ERC2: variants seen among roughly 807,000 people sequenced by gnomAD.
The protein encoded by ERC2 is ELKS/RAB6-interacting/CAST family member 2, also known as ERC protein 2.
A neutral mutation model predicts 114.8 loss-of-function variants in ERC2; 42 were observed. The ratio of observed to expected loss-of-function variants is 0.37; its 90% confidence interval spans 0.29 to 0.47. ERC2 has a LOEUF of 0.47. Among genes scored for constraint, ERC2 ranks in the 20% least tolerant of loss-of-function variants. ERC2 has a pLI of 0.99. For missense variants in ERC2, 939 were observed against 1,150.7 expected, an observed-to-expected ratio of 0.82 and a Z score of 2.66; for synonymous variants, 454 against 425.5, an observed-to-expected ratio of 1.07 and a Z score of -0.82.
intron 12 of ERC2, among the ~76,000 whole-genome samples, chr3:55,967,542 T>G (rs1433128569): frequency 1.3e-5 from 2 of 152,166 alleles, no homozygotes; most frequent in Non-Finnish European, 2.9e-5. Flanking sequence ...AAGAAGAAAT[T>G]TATAAGAAAA....
chr3:56,317,369 G>A (rs187226740), intron 2 of ERC2, among the ~76,000 whole-genome samples: 2 of 152,276 alleles, frequency 1.3e-5, no homozygotes, highest in East Asian at 1.9e-4. Context: ...CCCAAGAGTA[G>A]AAGGAGGCAG....
At chr3:56,059,030 G>C (rs1478499943) in intron 7 of ERC2, among the ~76,000 whole-genome samples, 1 of 152,032 alleles carries the variant, frequency 6.6e-6, no homozygotes, top group Non-Finnish European at 1.5e-5. Flanking sequence ...AAAATTATAA[G>C]GCTTCATGTG....
chr3:56,464,997 C>A (rs910728995), intron 1 of ERC2, among the ~76,000 whole-genome samples: 1 of 152,198 alleles, frequency 6.6e-6, no homozygotes, highest in Non-Finnish European at 1.5e-5. Flanking sequence ...GACTGCAATA[C>A]CATTCACCTT....
In ERC2 at chr3:55,969,858, T is replaced by C. The variant is rs78350781; in HGVS notation, c.2267+16119A>G. On this transcript the variant is annotated intron_variant, in intron 12 of 17. Coordinates refer to ENST00000288221, the MANE Select transcript of ERC2 (RefSeq NM_015576.3). The stretch of plus-strand genomic sequence containing the variant: ...AATCACAGCTCTCTGGAGAGGCTTT[T>C]TAAATTTCATTTTATGGCACTATAA... Among the ~76,000 whole-genome samples the C allele has an allele frequency of 3.8e-3, 578 of 152,324 alleles. 3 individuals are homozygous for C. The highest frequency in any genetic ancestry group is 0.013 in the African/African-American group (547 of 41,572).
intron 7 of ERC2, among the ~76,000 whole-genome samples, chr3:56,023,764 A>AG (rs2073869603): frequency 6.7e-6 from 1 of 149,788 alleles, no homozygotes; most frequent in African/African-American, 2.5e-5. Context: ...TGAATGAATG[A>AG]AAAAAGGAAT....
At position 55,648,351 on chromosome 3, in the gene ERC2, C is replaced by T. The variant is rs529181989; in HGVS notation, c.*39+35443G>A. Among the ~76,000 whole-genome samples, 26 of 152,332 alleles carry T rather than the reference C, an allele frequency of 1.7e-4. No homozygotes were observed. The South Asian group carries it at 4.8e-3, about 28-fold the overall frequency. On this transcript the variant is annotated intron_variant, in intron 17 of 17. Transcript: ENST00000288221. ...GGAATTATTCAACCTGGATGAGCTT[C>T]AGTGTCCTCATCTGATTAGCAGACA...
intron 5 of ERC2, among the ~76,000 whole-genome samples, chr3:56,148,473 G>C (rs188329986): frequency 6.6e-6 from 1 of 152,252 alleles, no homozygotes; most frequent in East Asian, 1.9e-4. Context: ...TTTTTGTAGA[G>C]ACAGGGTTTC....
At chr3:56,291,740 C>G (rs747871897) in intron 3 of ERC2, among the ~76,000 whole-genome samples, 1 of 151,432 alleles carries the variant, frequency 6.6e-6, no homozygotes, top group Non-Finnish European at 1.5e-5. Context: ...TCTATATTAA[C>G]AGAGGTCAGG....
At chr3:55,583,617 C>T (rs775229447) in intron 17 of ERC2, among the ~76,000 whole-genome samples, 6 of 146,890 alleles carry the variant, frequency 4.1e-5, no homozygotes, top group African/African-American at 7.7e-5. Flanking sequence ...ATGCACTGGA[C>T]GGTATCAGCT....
intron 2 of ERC2, among the ~76,000 whole-genome samples, chr3:56,392,660 G>T (rs2060170749): frequency 6.6e-6 from 1 of 152,084 alleles, no homozygotes; most frequent in South Asian, 2.1e-4. Flanking sequence ...TCTATATAGG[G>T]TTAAAATAAA....
intron 3 of ERC2, among the ~76,000 whole-genome samples, chr3:56,285,940 G>A (rs997794794): frequency 7.9e-5 from 12 of 152,144 alleles, no homozygotes; most frequent in African/African-American, 2.9e-4. Context: ...GAGTTTGAAT[G>A]GCAATCTCCA....
chr3:56,405,752 C>T (rs987100086), intron 2 of ERC2, among the ~76,000 whole-genome samples: 4 of 152,074 alleles, frequency 2.6e-5, no homozygotes, highest in Admixed American at 2.0e-4. Flanking sequence ...AGATCTCCTC[C>T]ACTATTGGAT....
chr3:56,179,422 G>C (rs912245081), intron 3 of ERC2, among the ~76,000 whole-genome samples: 5 of 152,190 alleles, frequency 3.3e-5, no homozygotes, highest in African/African-American at 9.6e-5. Context: ...ACCATGACAT[G>C]AGGCACTTTC....
At chr3:56,084,155 C>T (rs1035572363) in intron 6 of ERC2, among the ~76,000 whole-genome samples, 1 of 152,074 alleles carries the variant, frequency 6.6e-6, no homozygotes, top group Non-Finnish European at 1.5e-5. Context: ...ATCAAAACTA[C>T]AGTGAGAATA....
intron 2 of ERC2, among the ~76,000 whole-genome samples, chr3:56,367,392 G>A (rs961619675): frequency 9.9e-5 from 15 of 151,666 alleles, no homozygotes; most frequent in Middle Eastern, 3.4e-3. Context: ...ATTCTCCCCC[G>A]CCTTGTCTTT....
intron 10 of ERC2, among the ~76,000 whole-genome samples, chr3:55,994,910 C>T (rs998220963): frequency 6.6e-6 from 1 of 152,152 alleles, no homozygotes; most frequent in African/African-American, 2.4e-5. Flanking sequence ...TAGACTGTAC[C>T]ACTGTTGACA....
At chr3:55,770,499 C>T (rs1201393370) in intron 14 of ERC2, among the ~76,000 whole-genome samples, 2 of 152,164 alleles carry the variant, frequency 1.3e-5, no homozygotes, top group Non-Finnish European at 2.9e-5. Context: ...GTGAGTGCCC[C>T]CTTCCCCCTT....
intron 6 of ERC2, among the ~76,000 whole-genome samples, chr3:56,102,352 T>A (rs1317959481): frequency 6.6e-6 from 1 of 152,178 alleles, no homozygotes; most frequent in Admixed American, 6.5e-5. Flanking sequence ...AAACCTACAT[T>A]ATTACATGAA....
chr3:55,781,216 T>C (rs1191269892), intron 14 of ERC2, among the ~76,000 whole-genome samples: 1 of 152,080 alleles, frequency 6.6e-6, no homozygotes, highest in African/African-American at 2.4e-5. Context: ...GGCCATGACA[T>C]CTTGTAGAGG....
Sources: allele counts gnomAD v4.1 joint callset (sites outside exome capture counted in the v4.1 genomes callset), GRCh38; gene constraint gnomAD v4.1.1; transcripts MANE v1.5; gene names NCBI Gene and HGNC (gene_info 2026-07-23, HGNC 2026-07-21).